Variants in PTPRD observed in about 807,000 individuals in gnomAD.
PTPRD encodes the protein protein tyrosine phosphatase receptor type D.
PTPRD carries 34 observed loss-of-function variants against 214.5 expected under a neutral mutation model. The observed-to-expected ratio is 0.16, with a 90% CI of 0.12 to 0.21. The LOEUF (loss-of-function observed/expected upper bound fraction) is 0.21. Among genes scored for constraint, PTPRD ranks in the 10% least tolerant of loss-of-function variants. PTPRD has a pLI of 1.00. For synonymous variants in PTPRD, 1,128 were observed against 845.7 expected, an observed-to-expected ratio of 1.33 and a Z score of -5.79; for missense variants, 2,545 against 2,398.7, an observed-to-expected ratio of 1.06 and a Z score of -1.27.
chr9:9,140,513 A>G (rs912416405), intron 10 of PTPRD, among the ~76,000 whole-genome samples: 3 of 152,224 alleles, frequency 2.0e-5, no homozygotes, highest in Admixed American at 1.3e-4. Flanking sequence ...TCAGATGACA[A>G]CCGGGACTCT....
chr9:10,503,191 T>TTCA (rs2044373364), intron 2 of PTPRD, among the ~76,000 whole-genome samples: 5 of 1,690 alleles, frequency 3.0e-3, no homozygotes, highest in Non-Finnish European at 6.8e-3. Context: ...ACAGCTGCAA[T>TTCA]ACAAAAAAAA....
chr9:9,214,969 C>A (rs747692816), intron 9 of PTPRD, among the ~76,000 whole-genome samples: 9 of 152,178 alleles, frequency 5.9e-5, no homozygotes, highest in Non-Finnish European at 1.3e-4. Context: ...GGTTCAGAGT[C>A]TATGCTCTTA....
At chr9:8,375,861 G>A (rs2134777258) in intron 39 of PTPRD, 75 bp downstream of exon 39, 3 of 1,508,660 alleles carry the variant, frequency 2.0e-6, no homozygotes, top group Non-Finnish European at 1.8e-6. Flanking sequence ...AGAATGTCAA[G>A]AAGTTGCAGA....
chr9:8,819,657 G>A (rs1216705657), intron 11 of PTPRD, among the ~76,000 whole-genome samples: 2 of 151,516 alleles, frequency 1.3e-5, no homozygotes. Context: ...CAAGACTCTG[G>A]ATCAAAAAAA....
chr9:9,255,360 T>C (rs1004494853), intron 9 of PTPRD, among the ~76,000 whole-genome samples: 2 of 152,068 alleles, frequency 1.3e-5, no homozygotes, highest in African/African-American at 4.8e-5. Context: ...GACCAGAAGA[T>C]ATTCAATTGT....
At chr9:9,020,872 G>A (rs1438555097) in intron 10 of PTPRD, among the ~76,000 whole-genome samples, 3 of 152,216 alleles carry the variant, frequency 2.0e-5, no homozygotes, top group East Asian at 3.9e-4. Context: ...GTATCTACTC[G>A]GATGTATATA....
intron 5 of PTPRD, among the ~76,000 whole-genome samples, chr9:9,871,838 G>C (rs898881865): frequency 6.6e-6 from 1 of 152,166 alleles, no homozygotes; most frequent in Non-Finnish European, 1.5e-5. Context: ...CTGGGGGGAG[G>C]GGTTGGCTTG....
intron 2 of PTPRD, among the ~76,000 whole-genome samples, chr9:10,470,967 C>A (rs1313783782): frequency 1.3e-5 from 2 of 152,080 alleles, no homozygotes; most frequent in African/African-American, 2.4e-5. Context: ...TATTATGCAG[C>A]CATAAAAACA....
chr9:10,125,401 ATTTT>A (rs917925907), intron 3 of PTPRD, among the ~76,000 whole-genome samples: 1 of 144,646 alleles, frequency 6.9e-6, no homozygotes, highest in African/African-American at 2.5e-5. Context: ...TTTATTTTTT[ATTTT>A]TATTTATTTT....
chr9:9,704,123 A>G (rs903565999), intron 7 of PTPRD, among the ~76,000 whole-genome samples: 1 of 152,178 alleles, frequency 6.6e-6, no homozygotes, highest in African/African-American at 2.4e-5. Context: ...TAAAATTTAT[A>G]TGTTAATTTT....
intron 3 of PTPRD, among the ~76,000 whole-genome samples, chr9:10,181,273 G>A (rs2099282214): frequency 6.6e-6 from 1 of 151,972 alleles, no homozygotes; most frequent in Non-Finnish European, 1.5e-5. Context: ...GCAATAAAAA[G>A]AGAAACTACA....
chr9:8,870,829 C>A (rs2154207115), intron 11 of PTPRD, among the ~76,000 whole-genome samples: 1 of 152,136 alleles, frequency 6.6e-6, no homozygotes, highest in Non-Finnish European at 1.5e-5. Flanking sequence ...CCTAAATGGC[C>A]CCTCTGGCTC....
In PTPRD at chr9:8,969,175, C is replaced by T. The variant is rs149030846; in HGVS notation, c.-104+49522G>A. Among the ~76,000 whole-genome samples the T allele has an allele frequency of 9.9e-5, 15 of 152,174 alleles. No homozygotes were observed. In the East Asian group the frequency reaches 2.9e-3, roughly 29 times the overall value. On this transcript the variant is annotated intron_variant, in intron 11 of 45. Transcript: ENST00000381196. ...CGTTAGAGAAACAGAAACTAAAACA[C>T]TGACATCACTTTTCACTCATGGTAT...
At chr9:9,495,798 G>A (rs567059078) in intron 8 of PTPRD, among the ~76,000 whole-genome samples, 1 of 152,178 alleles carries the variant, frequency 6.6e-6, no homozygotes. Flanking sequence ...TTGTCACACT[G>A]ACCCTTTGCC....
At chr9:9,428,499 C>G (rs1217416368) in intron 8 of PTPRD, among the ~76,000 whole-genome samples, 2 of 152,114 alleles carry the variant, frequency 1.3e-5, no homozygotes, top group African/African-American at 2.4e-5. Flanking sequence ...ATCAATGAGA[C>G]AGAAAGTTAA....
intron 3 of PTPRD, among the ~76,000 whole-genome samples, chr9:10,101,207 G>A (rs1413189277): frequency 6.6e-6 from 1 of 151,572 alleles, no homozygotes; most frequent in Non-Finnish European, 1.5e-5. Context: ...CAGAGGAGGT[G>A]TTAGCCTAGA....
At chr9:9,820,570 C>T (rs189389596) in intron 5 of PTPRD, among the ~76,000 whole-genome samples, 1 of 152,264 alleles carries the variant, frequency 6.6e-6, no homozygotes, top group Non-Finnish European at 1.5e-5. Flanking sequence ...GGCCCCTGTA[C>T]AGAATGGCAT....
intron 11 of PTPRD, among the ~76,000 whole-genome samples, chr9:8,841,248 A>G (rs991377715): frequency 6.6e-6 from 1 of 152,196 alleles, no homozygotes; most frequent in Non-Finnish European, 1.5e-5. Flanking sequence ...GACTTGAAAA[A>G]TGAGTGTCTT....
chr9:9,863,230 C>T (rs771491083), intron 5 of PTPRD, among the ~76,000 whole-genome samples: 2 of 152,082 alleles, frequency 1.3e-5, no homozygotes, highest in Non-Finnish European at 2.9e-5. Context: ...TAAAGGTTCA[C>T]GGACTAAGAC....
Sources: allele counts gnomAD v4.1 joint callset (sites outside exome capture counted in the v4.1 genomes callset), GRCh38; gene constraint gnomAD v4.1.1; transcripts MANE v1.5; gene names NCBI Gene and HGNC (gene_info 2026-07-23, HGNC 2026-07-21).